Variants in ZNF791 observed in about 807,000 individuals in gnomAD.
The protein encoded by ZNF791 is zinc finger protein 791.
In ZNF791, 4 loss-of-function variants were observed where a neutral mutation model predicts 11.5. The observed-to-expected ratio is 0.35, with a 90% confidence interval of 0.17 to 0.80. The LOEUF is 0.80. Among genes scored for constraint, ZNF791 ranks in the 30% least tolerant of loss-of-function variants. The probability of loss-of-function intolerance (pLI) is 0.53; values close to 1 mark genes in which losing one functional copy is unlikely to be tolerated. For missense variants in ZNF791, 559 were observed against 699.4 expected, an observed-to-expected ratio of 0.80 and a Z score of 2.26; for synonymous variants, 212 against 228.1, an observed-to-expected ratio of 0.93 and a Z score of 0.64.
chr19:12,630,911 G>C lies in ZNF791; in HGVS notation c.*1651G>C, dbSNP rs2023495222. ...AAGTTTATAAAGAAAATAATGTACA[G>C]TAAGTTAAGGTTTATTCATTATTGA... On this transcript the variant is annotated 3_prime_UTR_variant, in exon 4 of 4. Coordinates refer to ENST00000343325, the MANE Select transcript of ZNF791 (RefSeq NM_153358.3). 6.6e-6 allele frequency: 1 copy of C among 152,210 alleles called. No homozygotes were observed. Among genetic ancestry groups the C allele is most frequent in the Non-Finnish European group, 1.5e-5 (1 of 68,046 alleles). The allele number at this position is 152,210 out of a possible 1,614,324, so 9.4% of individuals were successfully genotyped here.
intron 1 of ZNF791, among the ~76,000 whole-genome samples, chr19:12,620,193 G>A (rs1374258156): frequency 6.6e-6 from 1 of 151,180 alleles, no homozygotes; most frequent in East Asian, 1.9e-4. Flanking sequence ...GTGAGCCACC[G>A]CACCTGGCCT....
In ZNF791 at chr19:12,628,422, A is replaced by G. The variant is rs1429343340; in HGVS notation, c.893A>G (p.Lys298Arg). The G allele has an allele frequency of 1.2e-6, 2 of 1,608,698 alleles. No individual in the cohort carries two copies. The highest frequency in any genetic ancestry group is 1.7e-6 in the Non-Finnish European group (2 of 1,177,616). ...RVHERIHTGE[K>R]PYKCKQCGKA... is the part of the protein sequence containing the mutation. ...CATGAAAGAATTCACACTGGAGAGA[A>G]ACCCTATAAATGTAAACAATGTGGT... is the stretch of plus-strand genomic sequence containing the variant. The change falls in exon 4 of 4, where the codon AAA becomes AGA. Residue 298 changes from lysine (K) to arginine (R), a missense_variant. Physicochemically the swap from Lys to Arg is conservative, Grantham distance 26. Coordinates refer to ENST00000343325, the MANE Select transcript of ZNF791 (RefSeq NM_153358.3).
chr19:12,625,419 A>T (rs1030625408), intron 3 of ZNF791, among the ~76,000 whole-genome samples: 3 of 151,796 alleles, frequency 2.0e-5, no homozygotes, highest in Non-Finnish European at 4.4e-5. Flanking sequence ...CTGGGCCCCA[A>T]ATTTATTTAT....
rs1489968401 is a variant in ZNF791, at chr19:12,624,689, A to G, written c.170A>G (p.Lys57Arg). 1.2e-6 allele frequency: 2 copies of G among 1,608,462 alleles called. No homozygotes were observed. The highest frequency in any genetic ancestry group is 1.1e-5 in the South Asian group (1 of 89,902). The change falls in exon 3 of 4, where the codon AAA becomes AGA. Residue 57 changes from lysine (K) to arginine (R), a missense_variant. By Grantham distance (26) the Lys-to-Arg change is conservative. Coordinates refer to ENST00000343325, the MANE Select transcript of ZNF791 (RefSeq NM_153358.3). ...WEDPNVEDQH[K>R]NQGRNLRSHT... ...GACCCGAATGTTGAAGATCAACACA[A>G]AAACCAAGGACGAAATCTAAGGTGA...
In ZNF791 at chr19:12,630,577, C is replaced by G. The variant is rs983150830; in HGVS notation, c.*1317C>G. ...TTCCTGTGTTTTTTTAACAGTAAGA[C>G]AGTCTCAGGCAGGTCCTTAAGGAGA... On this transcript the variant is annotated 3_prime_UTR_variant, in exon 4 of 4. Transcript: ENST00000343325. 50 of 152,232 alleles carry G rather than the reference C, an allele frequency of 3.3e-4. No homozygotes were observed. The highest frequency in any genetic ancestry group is 1.2e-3 in the African/African-American group (50 of 41,552). The allele number at this position is 152,232 out of a possible 1,614,324, so 9.4% of individuals were successfully genotyped here.
At chr19:12,613,846 G>A (rs1284169333) in intron 1 of ZNF791, among the ~76,000 whole-genome samples, 1 of 152,180 alleles carries the variant, frequency 6.6e-6, no homozygotes, top group Non-Finnish European at 1.5e-5. Context: ...AGGATGCACA[G>A]GCAGATGCTG....
intron 1 of ZNF791, among the ~76,000 whole-genome samples, chr19:12,617,348 A>G (rs1041774011): frequency 2.6e-5 from 4 of 151,498 alleles, no homozygotes; most frequent in Admixed American, 6.6e-5. Context: ...CTGGTCTCGA[A>G]CTCCTGACCT....
intron 2 of ZNF791, 78 bp downstream of exon 2, chr19:12,623,904 G>A: frequency 8.5e-7 from 1 of 1,177,768 alleles, no homozygotes; most frequent in Non-Finnish European, 1.1e-6. Context: ...TGTCCAGGCT[G>A]GAGAGCAATG....
chr19:12,622,529 A>T (rs930058580), intron 1 of ZNF791, among the ~76,000 whole-genome samples: 30 of 151,202 alleles, frequency 2.0e-4, no homozygotes, highest in African/African-American at 7.0e-4. Flanking sequence ...CATACCTGTT[A>T]TCACAACACT....
chr19:12,624,145 T>G (rs2023393792), intron 2 of ZNF791, among the ~76,000 whole-genome samples: 1 of 134,824 alleles, frequency 7.4e-6, no homozygotes, highest in Non-Finnish European at 1.6e-5. Flanking sequence ...CATGAGCCAC[T>G]GTGCCTGGCC....
In ZNF791 at chr19:12,612,829, T is replaced by G. The variant is rs544060246; in HGVS notation, c.3+1747T>G. Among the ~76,000 whole-genome samples, 7 of 117,496 alleles carry G rather than the reference T, an allele frequency of 6.0e-5. No individual in the cohort carries two copies. The East Asian group carries it at 1.3e-3, about 21-fold the overall frequency. The allele number at this position is 117,496 out of a possible 152,430, so 77.1% of individuals were successfully genotyped here. ...GGATTTTTTTTTTTTTTTTTTTTTT[T>G]AAAGACCAAGTCTTGCTCTTTTGCC... On this transcript the variant is annotated intron_variant, in intron 1 of 3. Coordinates refer to ENST00000343325, the MANE Select transcript of ZNF791 (RefSeq NM_153358.3).
At chr19:12,615,468 G>A (rs7255858) in intron 1 of ZNF791, among the ~76,000 whole-genome samples, 99,376 of 151,826 alleles carry the variant, frequency 0.65, 33,496 homozygotes, top group African/African-American at 0.72. Context: ...TTCTCTTATC[G>A]TTGAACAATA....
At chr19:12,617,105 C>A (rs56349886) in intron 1 of ZNF791, among the ~76,000 whole-genome samples, 82,038 of 150,840 alleles carry the variant, frequency 0.54, 23,971 homozygotes, top group Non-Finnish European at 0.67. Flanking sequence ...ATTTAATTCA[C>A]ATTTAATTTT....
chr19:12,621,639 C>G (rs1276030192), intron 1 of ZNF791, among the ~76,000 whole-genome samples: 1 of 150,142 alleles, frequency 6.7e-6, no homozygotes, highest in East Asian at 1.9e-4. Flanking sequence ...TTTCCACAAG[C>G]CTCCTGGCCT....
At position 12,628,252 on chromosome 19, in the gene ZNF791, G is replaced by C. The variant is rs897090396; in HGVS notation, c.723G>C (p.Glu241Asp). The stretch of plus-strand genomic sequence containing the variant: ...TACACGAAAGAACTCACACTGGAGA[G>C]AAACCCTATGCATGTAAGGAATGTG... ...IRVHERTHTG[E>D]KPYACKECGK... is the part of the protein sequence containing the mutation. Residue 241 changes from glutamate to aspartate, a missense_variant, in exon 4 of 4, where the codon GAG becomes GAC. Transcript: ENST00000343325. 2 of 1,613,742 alleles carry C rather than the reference G, an allele frequency of 1.2e-6. No homozygotes were observed. Among genetic ancestry groups the C allele is most frequent in the African/African-American group, 2.7e-5 (2 of 74,894 alleles).
intron 1 of ZNF791, among the ~76,000 whole-genome samples, chr19:12,617,293 T>C (rs549899921): frequency 1.3e-5 from 2 of 151,972 alleles, no homozygotes; most frequent in South Asian, 4.2e-4. Context: ...GCCTGTCTAA[T>C]TTTTTTATTT....
intron 2 of ZNF791, 70 bp downstream of exon 2, chr19:12,623,896 TC>T: frequency 8.2e-7 from 1 of 1,218,718 alleles, no homozygotes; most frequent in Non-Finnish European, 1.1e-6. Context: ...TTCACTATTG[TC>T]CAGGCTGGAG....
chr19:12,622,766 C>T (rs919110234), intron 1 of ZNF791, among the ~76,000 whole-genome samples: 4 of 151,924 alleles, frequency 2.6e-5, no homozygotes, highest in African/African-American at 4.8e-5. Context: ...TGGTGGCACG[C>T]GCCTATAATC....
rs980753650 is a variant in ZNF791, at chr19:12,614,744, G to A, written c.3+3662G>A. ...CAGGTAGCTGGGATTACAGGCGTGCGCCACCATGCCCAGCTAATTTTGTAT... is the reference window on the plus strand; with the variant it reads ...CAGGTAGCTGGGATTACAGGCGTGCACCACCATGCCCAGCTAATTTTGTAT... On this transcript the variant is annotated intron_variant, in intron 1 of 3. Transcript: ENST00000343325. 4.0e-5 allele frequency among the ~76,000 whole-genome samples: 6 copies of A among 151,714 alleles called. No individual in the cohort carries two copies. In the South Asian group the frequency reaches 6.2e-4, roughly 16 times the overall value.
Sources: allele counts gnomAD v4.1 joint callset (sites outside exome capture counted in the v4.1 genomes callset), GRCh38; gene constraint gnomAD v4.1.1; transcripts MANE v1.5; gene names NCBI Gene and HGNC (gene_info 2026-07-23, HGNC 2026-07-21).